The following FUT8 variants were observed in gnomAD, a reference collection of about 807,000 sequenced individuals.
FUT8 encodes alpha-(1,6)-fucosyltransferase.
Under a neutral mutation model 71.3 loss-of-function variants are expected in FUT8, and 29 were observed. The ratio of observed to expected loss-of-function variants is 0.41; its 90% confidence interval spans 0.30 to 0.55. The LOEUF (loss-of-function observed/expected upper bound fraction) is 0.55. Among genes scored for constraint, FUT8 ranks in the 20% least tolerant of loss-of-function variants. The pLI is 0.34. For synonymous variants in FUT8, 254 were observed against 239.3 expected (o/e 1.06, Z -0.57); for missense variants, 544 against 702.1 (o/e 0.77, Z 2.55).
intron 1 of FUT8, among the ~76,000 whole-genome samples, chr14:65,438,921 G>T (rs149204661): frequency 4.5e-4 from 69 of 152,250 alleles, no homozygotes; most frequent in African/African-American, 1.7e-3. Context: ...ACTTTAACAG[G>T]AATATGAAGG....
intron 9 of FUT8, 141 bp downstream of exon 9, chr14:65,724,464 G>C: frequency 1.7e-6 from 1 of 572,368 alleles, no homozygotes; most frequent in African/African-American, 1.9e-5. Context: ...CTATGTACTT[G>C]TGTAACTGTC....
chr14:65,501,772 G>C (rs959597747), intron 2 of FUT8, among the ~76,000 whole-genome samples: 2 of 152,126 alleles, frequency 1.3e-5, no homozygotes, highest in South Asian at 4.1e-4. Context: ...TCTTTTCCTA[G>C]CTACTTGGAC....
intron 1 of FUT8, among the ~76,000 whole-genome samples, chr14:65,415,751 A>G (rs2065211270): frequency 6.6e-6 from 1 of 152,044 alleles, no homozygotes; most frequent in African/African-American, 2.4e-5. Context: ...TCTGGAGAAC[A>G]ATATCCCCAG....
chr14:65,693,112 A>G (rs1227537249), intron 7 of FUT8, among the ~76,000 whole-genome samples: 1 of 152,110 alleles, frequency 6.6e-6, no homozygotes, highest in Non-Finnish European at 1.5e-5. Flanking sequence ...GGTGGCGGCC[A>G]GGCAGAGGCT....
the FUT8 span, among the ~76,000 whole-genome samples, chr14:65,384,692 G>A: frequency 1.3e-5 from 2 of 152,118 alleles, no homozygotes; most frequent in Non-Finnish European, 2.9e-5. This position sits in a 1 kb window ranked among gnomAD's most constrained non-coding sequence, Gnocchi z 4.2. Context: ...CAGGTAACAG[G>A]CACTCAACTG....
intron 7 of FUT8, among the ~76,000 whole-genome samples, chr14:65,703,452 A>G (rs762108225): frequency 3.3e-5 from 5 of 152,220 alleles, no homozygotes; most frequent in Non-Finnish European, 5.9e-5. Context: ...CCTTTACACT[A>G]TTTGTTTCAG....
chr14:65,565,814 G>A (rs1886163340), intron 3 of FUT8, among the ~76,000 whole-genome samples: 1 of 151,536 alleles, frequency 6.6e-6, no homozygotes, highest in Non-Finnish European at 1.5e-5. Context: ...CATCTTTGGT[G>A]AAGTGTTTAT....
intron 2 of FUT8, among the ~76,000 whole-genome samples, chr14:65,479,241 T>C (rs1314030745): frequency 3.3e-5 from 5 of 152,244 alleles, no homozygotes; most frequent in Admixed American, 2.6e-4. Context: ...TCCATACATG[T>C]ATGTAAATGT....
At chr14:65,562,171 A>C (rs901197354) in intron 3 of FUT8, among the ~76,000 whole-genome samples, 1 of 152,076 alleles carries the variant, frequency 6.6e-6, no homozygotes, top group Non-Finnish European at 1.5e-5. Context: ...TTGCATATGC[A>C]TTTTAATGTA....
At chr14:65,393,227 C>T in the FUT8 span, among the ~76,000 whole-genome samples, 1 of 152,124 alleles carries the variant, frequency 6.6e-6, no homozygotes, top group African/African-American at 2.4e-5. Context: ...TCCATTTTGC[C>T]CCCAGATAAC....
At chr14:65,556,327 A>G (rs1287827505) in intron 2 of FUT8, among the ~76,000 whole-genome samples, 1 of 152,132 alleles carries the variant, frequency 6.6e-6, no homozygotes, top group African/African-American at 2.4e-5. Context: ...GTGATGGTGC[A>G]TTTCTAAGCT....
chr14:65,374,735 C>G, the FUT8 span, among the ~76,000 whole-genome samples: 1 of 151,700 alleles, frequency 6.6e-6, no homozygotes, highest in African/African-American at 2.4e-5. Flanking sequence ...GCTGGGACTA[C>G]AAGTGTGTGC....
intron 6 of FUT8, among the ~76,000 whole-genome samples, chr14:65,657,934 C>T (rs1224675191): frequency 6.6e-6 from 1 of 150,586 alleles, no homozygotes; most frequent in East Asian, 1.9e-4. Flanking sequence ...TATATACCTA[C>T]TATGTACTCA....
chr14:65,374,288 ATTTTCCATTTAT>A, the FUT8 span, among the ~76,000 whole-genome samples: 1 of 152,132 alleles, frequency 6.6e-6, no homozygotes, highest in Non-Finnish European at 1.5e-5. Flanking sequence ...GACAATAATG[ATTTTCCATTTAT>A]TTTATTGGTT....
upstream of FUT8, chr14:65,412,524 A>G (rs2065147085): frequency 2.8e-6 from 1 of 358,514 alleles, no homozygotes; most frequent in Admixed American, 3.7e-5. Flanking sequence ...CGGCGTGCGC[A>G]GCCGCTGCCC....
At chr14:65,620,391 A>G (rs1424320945) in intron 5 of FUT8, among the ~76,000 whole-genome samples, 1 of 152,196 alleles carries the variant, frequency 6.6e-6, no homozygotes, top group Non-Finnish European at 1.5e-5. Context: ...CAAATAGTGA[A>G]TGATACTTAT....
chr14:65,667,134 T>C (rs1892254814), intron 6 of FUT8, among the ~76,000 whole-genome samples: 1 of 152,026 alleles, frequency 6.6e-6, no homozygotes, highest in African/African-American at 2.4e-5. Context: ...ACTCTCACCA[T>C]TGCTGTTCAA....
Position 65,509,601 on chromosome 14 carries a change from A to G in FUT8, c.-227-51736A>G, listed in dbSNP as rs571353909. On this transcript the variant is annotated intron_variant, in intron 2 of 10. Transcript: ENST00000673929. ...GTATCCTCTTCAATTTCTTTCATCA[A>G]TATAGTATAGTTTCTGTTACAGAGA... Among the ~76,000 whole-genome samples the G allele has an allele frequency of 1.1e-3, 166 of 151,982 alleles. 1 individual carries two copies. In the Middle Eastern group the frequency reaches 0.014, roughly 12 times the overall value.
intron 6 of FUT8, among the ~76,000 whole-genome samples, chr14:65,636,353 T>C (rs994825886): frequency 6.6e-6 from 1 of 152,084 alleles, no homozygotes; most frequent in Non-Finnish European, 1.5e-5. Context: ...TTAGTTTTGC[T>C]CTGATTTTGG....
Sources: gnomAD v4.1 joint callset for allele counts (sites outside exome capture counted in the v4.1 genomes callset) on GRCh38, gnomAD v4.1.1 for gene constraint, Gnocchi (gnomAD v3.1) non-coding constraint, MANE v1.5 for transcripts, NCBI Gene and HGNC (gene_info 2026-07-23, HGNC 2026-07-21) for gene names.